Variants in DNASE1 observed in about 807,000 individuals in gnomAD.
The protein encoded by DNASE1 is deoxyribonuclease-1.
In DNASE1, 40 loss-of-function variants were observed where a neutral mutation model predicts 33.9. The observed-to-expected ratio is 1.18, with a 90% CI of 0.92 to 1.54. The LOEUF is 1.54. Ranked by LOEUF, DNASE1 falls within the 40% of genes most tolerant of loss-of-function variation. The pLI is 0.00. For missense variants in DNASE1, 518 were observed against 372.6 expected, an observed-to-expected ratio of 1.39 and a Z score of -3.21; for synonymous variants, 216 against 160.0, an observed-to-expected ratio of 1.35 and a Z score of -2.64.
intron 1 of DNASE1, among the ~76,000 whole-genome samples, chr16:3,627,351 C>T (rs1385877993): frequency 2.0e-5 from 3 of 151,726 alleles, no homozygotes; most frequent in African/African-American, 7.3e-5. Flanking sequence ...TCACGGCTCA[C>T]TGCAGCATTG....
At chr16:3,642,465 G>A (rs183319441), upstream of DNASE1, among the ~76,000 whole-genome samples, 2 of 152,156 alleles carry the variant, frequency 1.3e-5, no homozygotes, top group Non-Finnish European at 2.9e-5. Flanking sequence ...CCAGCAGCCG[G>A]AGAGAGTGGA....
intron 1 of DNASE1, among the ~76,000 whole-genome samples, chr16:3,623,538 A>G (rs2041397342): frequency 6.6e-6 from 1 of 152,252 alleles, no homozygotes; most frequent in Non-Finnish European, 1.5e-5. Flanking sequence ...GAGTAAATAG[A>G]CAACCTATAG....
chr16:3,662,211 G>A, downstream of DNASE1: 1 of 1,530,698 alleles, frequency 6.5e-7, no homozygotes, highest in Non-Finnish European at 8.8e-7. Flanking sequence ...AGGGGTGAAG[G>A]TCACCCAGAC....
chr16:3,632,239 T>C (rs2041721316), intron 1 of DNASE1, among the ~76,000 whole-genome samples: 1 of 152,212 alleles, frequency 6.6e-6, no homozygotes, highest in African/African-American at 2.4e-5. Context: ...GGTTGCTTGA[T>C]GGTGCTGTTG....
At chr16:3,612,287 G>A (rs754946433) in intron 1 of DNASE1, among the ~76,000 whole-genome samples, 1 of 152,162 alleles carries the variant, frequency 6.6e-6, no homozygotes, top group African/African-American at 2.4e-5. Context: ...TTTTGCTCTT[G>A]TTGCCCAGGC....
chr16:3,648,329 G>C (rs938175824), intron 1 of DNASE1, among the ~76,000 whole-genome samples: 2 of 152,164 alleles, frequency 1.3e-5, no homozygotes, highest in African/African-American at 4.8e-5. Context: ...TTGGGAGGCT[G>C]AGATGGGCGG....
intron 1 of DNASE1, among the ~76,000 whole-genome samples, chr16:3,649,300 C>T (rs1201007421): frequency 1.3e-5 from 2 of 152,220 alleles, no homozygotes; most frequent in Non-Finnish European, 2.9e-5. Flanking sequence ...CTATGGGTTA[C>T]TGGGCAGTCC....
chr16:3,617,209 C>G lies in DNASE1; in HGVS notation c.-1359+5203C>G, dbSNP rs566512444. Reference sequence around the variant, plus strand: ...GGCGTGGTGGTGTGCGCCCGTAATCCCAGCTACTCGGGAGGCTGAGGCAGG... The same window carrying G: ...GGCGTGGTGGTGTGCGCCCGTAATCGCAGCTACTCGGGAGGCTGAGGCAGG... On this transcript the variant is annotated intron_variant and NMD_transcript_variant, in intron 1 of 11. Coordinates refer to the DNASE1 transcript ENST00000570769. 6.6e-5 allele frequency among the ~76,000 whole-genome samples: 10 copies of G among 151,356 alleles called. No individual in the cohort carries two copies. The East Asian group carries it at 1.6e-3, about 24-fold the overall frequency.
intron 1 of DNASE1, among the ~76,000 whole-genome samples, chr16:3,624,093 A>G (rs922307631): frequency 1.3e-5 from 2 of 152,078 alleles, no homozygotes; most frequent in African/African-American, 2.4e-5. Context: ...CCTGGCCAAC[A>G]TGGTGAAACC....
chr16:3,637,680 C>G (rs945335037), intron 1 of DNASE1, among the ~76,000 whole-genome samples: 1 of 152,186 alleles, frequency 6.6e-6, no homozygotes, highest in African/African-American at 2.4e-5. Flanking sequence ...AAGCTCTAGA[C>G]ATAGTCCACA....
At chr16:3,638,566 C>T (rs2041942953), upstream of DNASE1, among the ~76,000 whole-genome samples, 1 of 152,194 alleles carries the variant, frequency 6.6e-6, no homozygotes, top group Admixed American at 6.5e-5. Context: ...TCTTGTTCTC[C>T]TGACCTCGTG....
At chr16:3,613,969 G>A (rs1387303458) in intron 1 of DNASE1, among the ~76,000 whole-genome samples, 1 of 143,578 alleles carries the variant, frequency 7.0e-6, no homozygotes, top group African/African-American at 2.7e-5. Context: ...CTGGAATGCA[G>A]TGGTGTGATC....
chr16:3,663,425 TG>T lies in DNASE1; in HGVS notation c.*5476del, dbSNP rs747370614. 1.9e-6 allele frequency: 3 copies of T among 1,614,086 alleles called. No individual in the cohort carries two copies. The East Asian group carries it at 6.7e-5, about 36-fold the overall frequency. On this transcript the variant is annotated 3_prime_UTR_variant, in exon 10 of 10. Coordinates refer to the DNASE1 transcript ENST00000407479. ...GCCTAGAGAGCAGGGGATGCCGACCTGGGGACCTGTCCTCAAACTTCTCCTC... is the reference window on the plus strand; with the variant it reads ...GCCTAGAGAGCAGGGGATGCCGACCTGGGACCTGTCCTCAAACTTCTCCTC...
intron 1 of DNASE1, among the ~76,000 whole-genome samples, chr16:3,635,251 A>G (rs1427579808): frequency 6.6e-6 from 1 of 152,104 alleles, no homozygotes; most frequent in East Asian, 1.9e-4. Context: ...TGAGGTCAGG[A>G]GTTCAAGACC....
At chr16:3,630,956 CACTTAGTT>C (rs1215555405) in intron 1 of DNASE1, among the ~76,000 whole-genome samples, 1 of 152,018 alleles carries the variant, frequency 6.6e-6, no homozygotes, top group African/African-American at 2.4e-5. Flanking sequence ...AATCAATTTA[CACTTAGTT>C]ACTGATCAGG....
At chr16:3,650,245 T>C (rs1412925358), upstream of DNASE1, among the ~76,000 whole-genome samples, 1 of 152,238 alleles carries the variant, frequency 6.6e-6, no homozygotes, top group Admixed American at 6.5e-5. Context: ...ATCGTCTAAA[T>C]CTGAGCATCA....
chr16:3,646,702 A>G (rs1457619921), intron 1 of DNASE1, among the ~76,000 whole-genome samples: 1 of 152,152 alleles, frequency 6.6e-6, no homozygotes, highest in Non-Finnish European at 1.5e-5. Flanking sequence ...ATCTAATTAC[A>G]CATTTGCGAG....
At chr16:3,658,977 G>A, downstream of DNASE1, 2 of 1,065,330 alleles carry the variant, frequency 1.9e-6, no homozygotes, top group South Asian at 1.5e-5. Flanking sequence ...ACTGTCTGTA[G>A]TTTTTTAAAT....
At chr16:3,658,251 C>CCCATTATG, downstream of DNASE1, 1 of 1,596,798 alleles carries the variant, frequency 6.3e-7, no homozygotes, top group Non-Finnish European at 8.6e-7. Context: ...AGAGGAGAAA[C>CCCATTATG]CCATTATGAG....
Sources: gnomAD v4.1 joint callset for allele counts (sites outside exome capture counted in the v4.1 genomes callset) on GRCh38, gnomAD v4.1.1 for gene constraint, MANE v1.5 for transcripts, NCBI Gene and HGNC (gene_info 2026-07-23, HGNC 2026-07-21) for gene names.